LINGO2: variants seen among roughly 807,000 people sequenced by gnomAD.
LINGO2 encodes leucine rich repeat and Ig domain containing 2, also known as leucine-rich repeat and immunoglobulin-like domain-containing nogo receptor-interacting protein 2.
Under a neutral mutation model 30.6 loss-of-function variants are expected in LINGO2, and 14 were observed. That is an observed-to-expected ratio of 0.46 (90% CI 0.30 to 0.72). The LOEUF (loss-of-function observed/expected upper bound fraction) is 0.72. LINGO2 is among the 30% of genes least tolerant of loss of function. The pLI, the probability that LINGO2 is intolerant of heterozygous loss-of-function variation, is 0.07. For missense variants in LINGO2, 729 were observed against 751.7 expected (o/e 0.97, Z 0.35); for synonymous variants, 317 against 288.5 (o/e 1.10, Z -1.00).
At chr9:29,145,894 TTTATG>T in the LINGO2 span, among the ~76,000 whole-genome samples, 24 of 152,324 alleles carry the variant, frequency 1.6e-4, no homozygotes, top group South Asian at 3.5e-3. Context: ...AAGATATGTA[TTTATG>T]TTATATGTGT....
intron 1 of LINGO2, among the ~76,000 whole-genome samples, chr9:28,602,201 A>T (rs535337267): frequency 5.9e-5 from 9 of 152,052 alleles, no homozygotes; most frequent in Non-Finnish European, 5.9e-5. Flanking sequence ...TAAGGCAAGG[A>T]ATATGGGCTG....
At chr9:28,998,845 TATA>T in the LINGO2 span, among the ~76,000 whole-genome samples, 1,301 of 152,214 alleles carry the variant, frequency 8.5e-3, 22 homozygotes, top group African/African-American at 0.029. Context: ...GTTACCATTA[TATA>T]TATAGCACAG....
At chr9:29,099,888 G>A in the LINGO2 span, among the ~76,000 whole-genome samples, 1 of 152,002 alleles carries the variant, frequency 6.6e-6, no homozygotes, top group Admixed American at 6.6e-5. Flanking sequence ...AGGTATATAC[G>A]CCAAAGAAAG....
intron 1 of LINGO2, among the ~76,000 whole-genome samples, chr9:28,530,368 T>G (rs539363343): frequency 1.3e-5 from 2 of 152,150 alleles, no homozygotes; most frequent in Non-Finnish European, 2.9e-5. Flanking sequence ...TTTTACACCA[T>G]GTACAATACA....
chr9:28,512,605 A>G (rs1310133810), intron 1 of LINGO2, among the ~76,000 whole-genome samples: 1,927 of 5,946 alleles, frequency 0.32, 158 homozygotes, highest in African/African-American at 0.38. Context: ...ATATATATAT[A>G]TATATATATA....
intron 5 of LINGO2, among the ~76,000 whole-genome samples, chr9:28,001,339 A>AT (rs1821941750): frequency 6.6e-6 from 1 of 152,182 alleles, no homozygotes; most frequent in South Asian, 2.1e-4. Context: ...ATAGCAACTG[A>AT]TGTAACAGAA....
intron 4 of LINGO2, among the ~76,000 whole-genome samples, chr9:28,082,938 C>T (rs1563963846): frequency 1.3e-5 from 2 of 152,106 alleles, no homozygotes; most frequent in Admixed American, 6.6e-5. Flanking sequence ...CTTAATGACC[C>T]ACACTGATCA....
chr9:28,033,109 C>T (rs1275914957), intron 4 of LINGO2, among the ~76,000 whole-genome samples: 1 of 152,206 alleles, frequency 6.6e-6, no homozygotes, highest in Non-Finnish European at 1.5e-5. Context: ...GCATTTGCTG[C>T]TATGATCCCT....
At chr9:29,183,662 A>G in the LINGO2 span, among the ~76,000 whole-genome samples, 1 of 152,150 alleles carries the variant, frequency 6.6e-6, no homozygotes, top group African/African-American at 2.4e-5. Context: ...CATGTCTTAC[A>G]TATGTTAAAA....
At chr9:28,264,291 C>T (rs1269954760) in intron 4 of LINGO2, among the ~76,000 whole-genome samples, 4 of 151,782 alleles carry the variant, frequency 2.6e-5, no homozygotes, top group African/African-American at 4.8e-5. Context: ...CCATAAATAA[C>T]GTAGGTTCCA....
At chr9:28,056,334 C>G (rs1184575193) in intron 4 of LINGO2, among the ~76,000 whole-genome samples, 4 of 152,152 alleles carry the variant, frequency 2.6e-5, no homozygotes, top group Non-Finnish European at 5.9e-5. Context: ...TTATGAGAAA[C>G]AGTTTGCTGT....
At chr9:27,970,668 C>A (rs915284803) in intron 5 of LINGO2, among the ~76,000 whole-genome samples, 1 of 152,098 alleles carries the variant, frequency 6.6e-6, no homozygotes, top group Non-Finnish European at 1.5e-5. Context: ...AACTTTCAAT[C>A]CTTGCTCTGA....
At chr9:28,004,110 C>T (rs1295213598) in intron 5 of LINGO2, among the ~76,000 whole-genome samples, 1 of 152,082 alleles carries the variant, frequency 6.6e-6, no homozygotes, top group African/African-American at 2.4e-5. Context: ...CGATATCTGT[C>T]TTGGAACATC....
chr9:28,455,045 T>C (rs1824791291), intron 2 of LINGO2, among the ~76,000 whole-genome samples: 1 of 152,058 alleles, frequency 6.6e-6, no homozygotes, highest in Non-Finnish European at 1.5e-5. Context: ...ATTTCTAGTA[T>C]TCTTTTAGAT....
At chr9:28,315,457 T>C (rs1036879508) in intron 3 of LINGO2, among the ~76,000 whole-genome samples, 13 of 151,978 alleles carry the variant, frequency 8.6e-5, no homozygotes, top group Non-Finnish European at 1.8e-4. Flanking sequence ...TGACTTTCCA[T>C]AGGACAAATA....
chr9:28,743,007 T>C, the LINGO2 span, among the ~76,000 whole-genome samples: 1 of 151,992 alleles, frequency 6.6e-6, no homozygotes, highest in South Asian at 2.1e-4. Context: ...TAATTGCCTA[T>C]ATGATATATT....
intron 3 of LINGO2, among the ~76,000 whole-genome samples, chr9:28,365,765 CTTTT>C (rs34259621): frequency 0.15 from 19,974 of 133,060 alleles, 1,804 homozygotes; most frequent in African/African-American, 0.25. Context: ...TTTGGATCCT[CTTTT>C]TTTTTTTTTT....
chr9:28,922,809 G>A, the LINGO2 span, among the ~76,000 whole-genome samples: 99 of 152,256 alleles, frequency 6.5e-4, 1 homozygote, highest in Middle Eastern at 0.014. Flanking sequence ...ACATATGCCC[G>A]TCTTAATAAC....
intron 4 of LINGO2, among the ~76,000 whole-genome samples, chr9:28,271,689 A>G (rs1387910090): frequency 2.0e-5 from 3 of 152,140 alleles, no homozygotes; most frequent in Non-Finnish European, 2.9e-5. Context: ...TTCATGTGGT[A>G]TTCTGAATGG....
Sources: gnomAD v4.1 joint callset for allele counts (sites outside exome capture counted in the v4.1 genomes callset) on GRCh38, gnomAD v4.1.1 for gene constraint, MANE v1.5 for transcripts, NCBI Gene and HGNC (gene_info 2026-07-23, HGNC 2026-07-21) for gene names.